TIGAR: variants seen among roughly 807,000 people sequenced by gnomAD.
TIGAR encodes fructose-2,6-bisphosphatase TIGAR.
Under a neutral mutation model 17.9 loss-of-function variants are expected in TIGAR, and 7 were observed. That is an observed-to-expected ratio of 0.39 (90% CI 0.22 to 0.73). The LOEUF (loss-of-function observed/expected upper bound fraction) is 0.73. Ranked by LOEUF, TIGAR falls within the 30% of genes least tolerant of loss-of-function variation. The probability of loss-of-function intolerance (pLI) is 0.42; values close to 1 mark genes in which losing one functional copy is unlikely to be tolerated. For missense variants in TIGAR, 258 were observed against 327.4 expected, an observed-to-expected ratio of 0.79 and a Z score of 1.64; for synonymous variants, 94 against 108.6, an observed-to-expected ratio of 0.87 and a Z score of 0.84.
intron 3 of TIGAR, among the ~76,000 whole-genome samples, chr12:4,347,060 CA>C (rs1434545400): frequency 6.6e-6 from 1 of 151,992 alleles, no homozygotes; most frequent in Non-Finnish European, 1.5e-5. Context: ...GGTATGTACC[CA>C]AAGAAAGGAA....
chr12:4,332,374 G>T (rs971852057), intron 2 of TIGAR, among the ~76,000 whole-genome samples: 1 of 151,222 alleles, frequency 6.6e-6, no homozygotes, highest in African/African-American at 2.4e-5. Context: ...CTCCTGAGTA[G>T]CTGGGATTAC....
In TIGAR at chr12:4,355,292, C is replaced by A. The variant is rs12230757; in HGVS notation, c.*2601C>A. On this transcript the variant is annotated 3_prime_UTR_variant, in exon 6 of 6. Coordinates refer to ENST00000179259, the MANE Select transcript of TIGAR (RefSeq NM_020375.3). ...TCCCAACACCATTGTAAAGGCTGTT[C>A]TTTCCCAATTGGTTTGTGGTGTGTG... Among the ~76,000 whole-genome samples, 33,075 of 151,914 alleles carry A rather than the reference C, an allele frequency of 0.22. 3,988 individuals are homozygous for A. Among genetic ancestry groups the A allele is most frequent in the Admixed American group, 0.28 (4,250 of 15,252 alleles).
At chr12:4,343,506 A>G (rs1302893385) in intron 3 of TIGAR, among the ~76,000 whole-genome samples, 1 of 152,242 alleles carries the variant, frequency 6.6e-6, no homozygotes, top group East Asian at 1.9e-4. Context: ...CAGCAAATGC[A>G]AAAGAACAGA....
intron 3 of TIGAR, among the ~76,000 whole-genome samples, chr12:4,338,918 G>A (rs1318438322): frequency 7.4e-6 from 1 of 136,052 alleles, no homozygotes; most frequent in African/African-American, 2.7e-5. Context: ...AGAGGTTGCA[G>A]TGAGCTGAGA....
rs1864877445 is a variant in TIGAR, at chr12:4,354,670, G to A, written c.*1979G>A. On this transcript the variant is annotated 3_prime_UTR_variant, in exon 6 of 6. Coordinates refer to ENST00000179259, the MANE Select transcript of TIGAR (RefSeq NM_020375.3). ...TAACCACTCTATTCTATTAAATATA[G>A]CACATTTTTGTTTATTAGTGGGCAT... The A allele has an allele frequency of 6.6e-6, 1 of 150,998 alleles. No individual in the cohort carries two copies. The highest frequency in any genetic ancestry group is 1.5e-5 in the Non-Finnish European group (1 of 67,828). The allele number at this position is 150,998 out of a possible 1,614,324, so 9.4% of individuals were successfully genotyped here.
chr12:4,355,417 C>T lies in TIGAR; in HGVS notation c.*2726C>T, dbSNP rs528900743. Reference sequence around the variant, plus strand: ...GTCATACTTAGTTACTGTGGCTTTGCAGCTGACTGTCTTAAAGGGTGGATA... The same window carrying T: ...GTCATACTTAGTTACTGTGGCTTTGTAGCTGACTGTCTTAAAGGGTGGATA... On this transcript the variant is annotated 3_prime_UTR_variant, in exon 6 of 6. Coordinates refer to ENST00000179259, the MANE Select transcript of TIGAR (RefSeq NM_020375.3). Among the ~76,000 whole-genome samples the T allele has an allele frequency of 6.6e-6, 1 of 152,220 alleles. No individual in the cohort carries two copies. Among genetic ancestry groups the T allele is most frequent in the East Asian group, 1.9e-4 (1 of 5,178 alleles).
chr12:4,346,783 AAG>A (rs1269267669), intron 3 of TIGAR, among the ~76,000 whole-genome samples: 1 of 152,084 alleles, frequency 6.6e-6, no homozygotes, highest in Non-Finnish European at 1.5e-5. Context: ...AAAAATGACA[AAG>A]AGACATATGA....
intron 1 of TIGAR, chr12:4,324,942 C>CTTTTT (rs35996093): frequency 1.0e-5 from 2 of 190,592 alleles, no homozygotes; most frequent in Admixed American, 5.8e-5. Context: ...TTTGTTTTTG[C>CTTTTT]TTTTTTTTTT....
At chr12:4,347,988 T>G (rs1231617314) in intron 3 of TIGAR, among the ~76,000 whole-genome samples, 1 of 152,000 alleles carries the variant, frequency 6.6e-6, no homozygotes, top group Non-Finnish European at 1.5e-5. Flanking sequence ...ATAAAAAAGT[T>G]AGCTGAGTGT....
rs1185841572 is a variant in TIGAR at position 4,355,047 on chromosome 12, AAT to A, written c.*2359_*2360del. 1.3e-5 allele frequency among the ~76,000 whole-genome samples: 2 copies of A among 151,674 alleles called. No individual in the cohort carries two copies. Among genetic ancestry groups the A allele is most frequent in the African/African-American group, 4.8e-5 (2 of 41,304 alleles). The stretch of plus-strand genomic sequence containing the variant: ...TGCCTGGCCTATGATGCATTTTTTT[AAT>A]ATGTGTTCTTAATTTTTAAGACAAA... On this transcript the variant is annotated 3_prime_UTR_variant, in exon 6 of 6. Transcript: ENST00000179259.
chr12:4,326,616 A>T (rs1864549334), intron 1 of TIGAR, among the ~76,000 whole-genome samples: 2 of 152,220 alleles, frequency 1.3e-5, no homozygotes, highest in Non-Finnish European at 2.9e-5. Context: ...GTCCTTCATT[A>T]TATCACAGTG....
rs1263685877 is a variant in TIGAR, at chr12:4,321,448, C to T, written c.32+145C>T. On this transcript the variant is annotated intron_variant, in intron 1 of 5. Transcript: ENST00000179259. This position sits in a 1 kb window ranked among gnomAD's most constrained non-coding sequence, Gnocchi z 5.2. ...TGGCTTGGAAGCGCTTTTTCCGGGGCGCTTGCCCTGGGGCCGTCCCGTGTC... is the reference window on the plus strand; with the variant it reads ...TGGCTTGGAAGCGCTTTTTCCGGGGTGCTTGCCCTGGGGCCGTCCCGTGTC... 2 of 1,223,656 alleles carry T rather than the reference C, an allele frequency of 1.6e-6. No individual in the cohort carries two copies. The highest frequency in any genetic ancestry group is 2.6e-5 in the East Asian group (1 of 38,732). 75.8% of individuals were successfully genotyped at this position (1,223,656 alleles called of 1,614,324 possible). A position where few individuals can be genotyped will look rare whatever the true frequency, so the allele number is the denominator to read the frequency against.
intron 3 of TIGAR, among the ~76,000 whole-genome samples, chr12:4,347,884 G>A (rs755302151): frequency 9.9e-5 from 15 of 152,118 alleles, no homozygotes; most frequent in Non-Finnish European, 1.9e-4. Context: ...GCCTGAAATT[G>A]CAGCACTTTG....
chr12:4,326,508 T>C (rs371850378), intron 1 of TIGAR, among the ~76,000 whole-genome samples: 3 of 152,332 alleles, frequency 2.0e-5, no homozygotes, highest in East Asian at 3.9e-4. Context: ...ATAAAGTGAT[T>C]TGAACGCAAA....
chr12:4,351,581 G>A (rs957320128), intron 5 of TIGAR, among the ~76,000 whole-genome samples: 1 of 152,106 alleles, frequency 6.6e-6, no homozygotes, highest in South Asian at 2.1e-4. Flanking sequence ...TGGACTTAAG[G>A]AAAGGTGTTA....
At chr12:4,345,797 G>C (rs1190613317) in intron 3 of TIGAR, among the ~76,000 whole-genome samples, 2 of 152,148 alleles carry the variant, frequency 1.3e-5, no homozygotes, top group African/African-American at 4.8e-5. Context: ...CACAGCAAAA[G>C]AAACTACCAT....
In TIGAR at chr12:4,359,609, G is replaced by A. The variant is rs1237374284; in HGVS notation, c.*6918G>A. Among the ~76,000 whole-genome samples, 1 of 151,964 alleles carries A rather than the reference G, an allele frequency of 6.6e-6. No homozygotes were observed. Among genetic ancestry groups the A allele is most frequent in the East Asian group, 1.9e-4 (1 of 5,198 alleles). The stretch of plus-strand genomic sequence containing the variant: ...ACAGTTTGTTTATTCTTCCATTGAC[G>A]GAACACAAGGACCATTTCTAGTTTG... On this transcript the variant is annotated 3_prime_UTR_variant, in exon 6 of 6. Coordinates refer to ENST00000179259, the MANE Select transcript of TIGAR (RefSeq NM_020375.3).
intron 2 of TIGAR, 93 bp from the exon 3 acceptor site, chr12:4,336,946 T>C (rs1864666528): frequency 7.5e-6 from 10 of 1,328,508 alleles, no homozygotes; most frequent in Non-Finnish European, 9.9e-6. Context: ...CATTAAAATT[T>C]AGATAAATGC....
intron 1 of TIGAR, chr12:4,324,289 AG>A: frequency 3.0e-6 from 2 of 656,060 alleles, no homozygotes; most frequent in Non-Finnish European, 5.4e-6. Context: ...AGGTGTTTGC[AG>A]TGAGTCCCCG....
Sources: gnomAD v4.1 joint callset for allele counts (sites outside exome capture counted in the v4.1 genomes callset) on GRCh38, gnomAD v4.1.1 for gene constraint, Gnocchi (gnomAD v3.1) non-coding constraint, MANE v1.5 for transcripts, NCBI Gene and HGNC (gene_info 2026-07-23, HGNC 2026-07-21) for gene names.